WDR20: variants seen among roughly 807,000 people sequenced by gnomAD.
The protein encoded by WDR20 is WD repeat domain 20.
In WDR20, 3 loss-of-function variants were observed where a neutral mutation model predicts 38.7. The observed-to-expected ratio is 0.08, with a 90% CI of 0.04 to 0.20. WDR20 has a LOEUF of 0.20. WDR20 is among the 10% of genes least tolerant of loss of function. The probability of loss-of-function intolerance (pLI) is 1.00; values close to 1 mark genes in which losing one functional copy is unlikely to be tolerated. For synonymous variants in WDR20, 298 were observed against 285.6 expected, an observed-to-expected ratio of 1.04 and a Z score of -0.44; for missense variants, 559 against 727.7, an observed-to-expected ratio of 0.77 and a Z score of 2.67.
intron 1 of WDR20, among the ~76,000 whole-genome samples, chr14:102,179,697 A>G (rs1325993312): frequency 6.6e-6 from 1 of 151,966 alleles, no homozygotes; most frequent in African/African-American, 2.4e-5. Context: ...TCATTTTCAA[A>G]TCCCTCCCCT....
chr14:102,170,683 T>A (rs2060622093), intron 1 of WDR20, among the ~76,000 whole-genome samples: 1 of 152,050 alleles, frequency 6.6e-6, no homozygotes, highest in African/African-American at 2.4e-5. Context: ...TTTTAATTTT[T>A]AAATTTTTTT....
Position 102,171,661 on chromosome 14 carries a change from C to T in WDR20, c.250-23277C>T, listed in dbSNP as rs1021730407. Among the ~76,000 whole-genome samples, 3 of 151,776 alleles carry T rather than the reference C, an allele frequency of 2.0e-5. 1 individual carries two copies. The highest frequency in any genetic ancestry group is 4.4e-5 in the Non-Finnish European group (3 of 67,898). On this transcript the variant is annotated intron_variant, in intron 1 of 2. Coordinates refer to ENST00000342702, the MANE Select transcript of WDR20 (RefSeq NM_144574.4). ...GCCCTGTGTACTTTTCAGTTTAAGA[C>T]ATAGTTGCCTGTATCTTCCCAAAGA...
At chr14:102,185,979 G>A (rs2064603617) in intron 1 of WDR20, among the ~76,000 whole-genome samples, 1 of 152,170 alleles carries the variant, frequency 6.6e-6, no homozygotes. Context: ...TCTATTAGAT[G>A]TTGGAGACAG....
intron 1 of WDR20, among the ~76,000 whole-genome samples, chr14:102,152,875 A>G (rs1290000031): frequency 6.6e-6 from 1 of 152,142 alleles, no homozygotes; most frequent in East Asian, 1.9e-4. Context: ...GTTCTGTTCA[A>G]CCCTAGAACC....
At chr14:102,187,634 G>C (rs1422364953) in intron 1 of WDR20, among the ~76,000 whole-genome samples, 1 of 152,204 alleles carries the variant, frequency 6.6e-6, no homozygotes, top group Admixed American at 6.5e-5. Context: ...GGCAGTGGTG[G>C]AGTGGGAGAG....
intron 1 of WDR20, among the ~76,000 whole-genome samples, chr14:102,158,817 C>G (rs74082235): frequency 0.018 from 2,691 of 152,206 alleles, 91 homozygotes; most frequent in African/African-American, 0.062. Context: ...GTCACCTCCC[C>G]GACTCGTTCG....
chr14:102,169,089 T>A (rs1220760195), intron 1 of WDR20, among the ~76,000 whole-genome samples: 1 of 152,136 alleles, frequency 6.6e-6, no homozygotes, highest in Non-Finnish European at 1.5e-5. Flanking sequence ...CACCTCCTCC[T>A]CATTTATTCC....
chr14:102,219,553 C>T (rs2063641350), downstream of WDR20, among the ~76,000 whole-genome samples: 1 of 152,264 alleles, frequency 6.6e-6, no homozygotes, highest in Non-Finnish European at 1.5e-5. Context: ...CCCTTTGGGC[C>T]TTCGCTTCGC....
intron 1 of WDR20, among the ~76,000 whole-genome samples, chr14:102,161,142 ATTTTTT>A (rs1233679287): frequency 1.9e-4 from 3 of 16,050 alleles, no homozygotes; most frequent in Admixed American, 1.2e-3. Context: ...ATATATATAT[ATTTTTT>A]TTTTTTTTTT....
chr14:102,209,541 G>C lies in WDR20; in HGVS notation c.1371G>C (p.Gly457=). Residue 457 remains glycine (G), a synonymous_variant, in exon 3 of 3, where the codon GGG becomes GGC. Coordinates refer to ENST00000342702, the MANE Select transcript of WDR20 (RefSeq NM_144574.4). The surrounding 1 kb of genome is among the most constrained non-coding windows in gnomAD (Gnocchi z 6.0). Reference sequence around the variant, plus strand: ...TCATGGACGGGGCCATTGCTTCTGGGGTCAGCAAATTTGCAACACTTTCAC... The same window carrying C: ...TCATGGACGGGGCCATTGCTTCTGGCGTCAGCAAATTTGCAACACTTTCAC... The part of the protein sequence containing the change: ...SSVMDGAIAS[G]VSKFATLSLH... The C allele has an allele frequency of 6.2e-7, 1 of 1,614,090 alleles. No individual in the cohort carries two copies. The highest frequency in any genetic ancestry group is 1.1e-5 in the South Asian group (1 of 91,072).
At chr14:102,183,171 T>TTATCA (rs1241342837) in intron 1 of WDR20, among the ~76,000 whole-genome samples, 1 of 152,230 alleles carries the variant, frequency 6.6e-6, no homozygotes, top group Non-Finnish European at 1.5e-5. Flanking sequence ...AAGTGAGTAG[T>TTATCA]TGCAGTGATG....
chr14:102,189,935 G>A (rs1248440408), intron 1 of WDR20, among the ~76,000 whole-genome samples: 2 of 152,178 alleles, frequency 1.3e-5, no homozygotes, highest in African/African-American at 4.8e-5. Context: ...GAATGGTTGG[G>A]AAAATCCTTG....
chr14:102,163,627 C>CCAAAA (rs2059205125), intron 1 of WDR20, among the ~76,000 whole-genome samples: 1 of 62,834 alleles, frequency 1.6e-5, no homozygotes, highest in Non-Finnish European at 2.6e-5. Flanking sequence ...GACTCTGTCT[C>CCAAAA]AAAAAAAAAA....
chr14:102,201,245 A>G (rs1233175878), intron 2 of WDR20, among the ~76,000 whole-genome samples: 1 of 152,124 alleles, frequency 6.6e-6, no homozygotes, highest in African/African-American at 2.4e-5. Context: ...TGGCTTTTCA[A>G]GCAGCTGCTG....
intron 1 of WDR20, among the ~76,000 whole-genome samples, chr14:102,157,504 T>C (rs2057704322): frequency 6.6e-6 from 1 of 152,140 alleles, no homozygotes; most frequent in South Asian, 2.1e-4. Context: ...ATTTTTCTTC[T>C]TCCTGATCAT....
chr14:102,168,936 T>C (rs8007227), intron 1 of WDR20, among the ~76,000 whole-genome samples: 5,017 of 152,190 alleles, frequency 0.033, 279 homozygotes, highest in African/African-American at 0.12. Flanking sequence ...TCAGCCAGAG[T>C]GATCGTTTAA....
intron 2 of WDR20, among the ~76,000 whole-genome samples, chr14:102,205,328 A>G (rs1257430201): frequency 2.0e-5 from 3 of 152,100 alleles, no homozygotes; most frequent in Non-Finnish European, 2.9e-5. Flanking sequence ...TCCCTTTGGT[A>G]TGAAAAAGAA....
At chr14:102,214,009 T>G, downstream of WDR20, 1 of 985,452 alleles carries the variant, frequency 1.0e-6, no homozygotes. Flanking sequence ...TGGCGGGGGA[T>G]CCGGTGGCCC....
At chr14:102,212,887 A>C, downstream of WDR20, 1 of 1,144,000 alleles carries the variant, frequency 8.7e-7, no homozygotes, top group South Asian at 2.6e-5. Flanking sequence ...TGTGGAATAA[A>C]ACACAGCATT....
Sources: gnomAD v4.1 joint callset for allele counts (sites outside exome capture counted in the v4.1 genomes callset) on GRCh38, gnomAD v4.1.1 for gene constraint, Gnocchi (gnomAD v3.1) non-coding constraint, MANE v1.5 for transcripts, NCBI Gene and HGNC (gene_info 2026-07-23, HGNC 2026-07-21) for gene names.